ANXA3: variants seen among roughly 807,000 people sequenced by gnomAD.
The protein encoded by ANXA3 is 35-alpha calcimedin.
In ANXA3, 46 loss-of-function variants were observed where a neutral mutation model predicts 48.8. The ratio of observed to expected loss-of-function variants is 0.94; its 90% CI spans 0.74 to 1.21. ANXA3 has a LOEUF of 1.21. Ranked by LOEUF, ANXA3 falls within the 50% of genes most tolerant of loss-of-function variation. The pLI, the probability that ANXA3 is intolerant of heterozygous loss-of-function variation, is 0.00. For synonymous variants in ANXA3, 128 were observed against 134.7 expected (o/e 0.95, Z 0.35); for missense variants, 383 against 378.6 (o/e 1.01, Z -0.10).
intron 3 of ANXA3, among the ~76,000 whole-genome samples, chr4:78,574,326 AG>A (rs1294481562): frequency 6.6e-6 from 1 of 152,106 alleles, no homozygotes; most frequent in African/African-American, 2.4e-5. Context: ...AGGCTGAGGT[AG>A]GGGGATACTT....
chr4:78,555,688 A>C (rs28785284), intron 2 of ANXA3, among the ~76,000 whole-genome samples: 104,560 of 149,890 alleles, frequency 0.7, 37,768 homozygotes, highest in East Asian at 0.88. Context: ...AAAAAAAAAA[A>C]AAAACTTTAA....
intron 1 of ANXA3, among the ~76,000 whole-genome samples, chr4:78,553,396 C>G (rs1578387862): frequency 6.6e-6 from 1 of 152,138 alleles, no homozygotes; most frequent in Non-Finnish European, 1.5e-5. Flanking sequence ...AATCTCCAGC[C>G]CTGTGAAACT....
rs2109935810 is a variant in ANXA3, at chr4:78,579,132, A to G, written c.198+11A>G. The G allele has an allele frequency of 1.3e-6, 2 of 1,586,004 alleles. No individual in the cohort carries two copies. Among genetic ancestry groups the G allele is most frequent in the East Asian group, 2.2e-5 (1 of 44,714 alleles). Reference sequence around the variant, plus strand: ...GCAGCATATGGAAAGGTAAGGTCACATTAACATGACAGGCAGTAAAGAGAT... The same window carrying G: ...GCAGCATATGGAAAGGTAAGGTCACGTTAACATGACAGGCAGTAAAGAGAT... On this transcript the variant is annotated intron_variant, in intron 4 of 12. Transcript: ENST00000264908.
intron 2 of ANXA3, among the ~76,000 whole-genome samples, chr4:78,555,072 G>A (rs903628449): frequency 2.0e-5 from 3 of 152,206 alleles, no homozygotes; most frequent in African/African-American, 7.2e-5. Context: ...CGGTGCGATG[G>A]CAGATGCCTG....
chr4:78,608,766 G>A (rs1723701200), intron 12 of ANXA3, among the ~76,000 whole-genome samples: 1 of 152,072 alleles, frequency 6.6e-6, no homozygotes, highest in Non-Finnish European at 1.5e-5. Flanking sequence ...AGTGGGGGGA[G>A]GTTTATGAGT....
chr4:78,591,785 G>A (rs1039030751), intron 7 of ANXA3, among the ~76,000 whole-genome samples, 162 bp downstream of exon 7: 1 of 152,160 alleles, frequency 6.6e-6, no homozygotes, highest in African/African-American at 2.4e-5. Context: ...GCAATATAAT[G>A]TTTAACCAAG....
chr4:78,602,368 G>T (rs1434133804), intron 11 of ANXA3: 1 of 151,982 alleles, frequency 6.6e-6, no homozygotes, highest in Non-Finnish European at 1.5e-5. Context: ...TGCCTCATAG[G>T]TTAATAGTAT....
intron 2 of ANXA3, among the ~76,000 whole-genome samples, chr4:78,565,119 G>T (rs1472023159): frequency 6.6e-6 from 1 of 151,418 alleles, no homozygotes; most frequent in East Asian, 1.9e-4. Context: ...CCAGCCTCCT[G>T]AGTAGCTGGG....
Position 78,593,364 on chromosome 4 carries a change from G to A in ANXA3, c.483+1741G>A, listed in dbSNP as rs182314420. 4.2e-4 allele frequency among the ~76,000 whole-genome samples: 64 copies of A among 151,650 alleles called. No homozygotes were observed. The East Asian group carries it at 6.8e-3, about 16-fold the overall frequency. ...ATTACAGGCACACGCCACCACACCC[G>A]GCTAATTTTTGTATTTTAGTAGAGA... On this transcript the variant is annotated intron_variant, in intron 7 of 12. Coordinates refer to ENST00000264908, the MANE Select transcript of ANXA3 (RefSeq NM_005139.3).
chr4:78,579,081 G>T lies in ANXA3; in HGVS notation c.158G>T (p.Arg53Leu), dbSNP rs146728751. The T allele has an allele frequency of 1.2e-6, 2 of 1,611,838 alleles. No homozygotes were observed. The highest frequency in any genetic ancestry group is 1.7e-6 in the Non-Finnish European group (2 of 1,178,304). Residue 53 changes from arginine (R) to leucine (L), a missense_variant, in exon 4 of 13, where the codon CGG becomes CTG. Transcript: ENST00000264908. The part of the protein sequence containing the change: ...SILTERSNAQ[R>L]QLIVKEYQAA... The stretch of plus-strand genomic sequence containing the variant: ...CTGACTGAGAGGTCAAATGCACAGC[G>T]GCAGCTGATTGTTAAGGAATATCAA...
chr4:78,557,827 A>G (rs543913801), intron 2 of ANXA3, among the ~76,000 whole-genome samples: 78 of 152,224 alleles, frequency 5.1e-4, no homozygotes, highest in Non-Finnish European at 8.8e-4. Context: ...CCAAAAAATT[A>G]AAACTAGAAC....
chr4:78,581,896 C>T (rs953289360), intron 4 of ANXA3, among the ~76,000 whole-genome samples: 2 of 152,140 alleles, frequency 1.3e-5, no homozygotes, highest in African/African-American at 4.8e-5. Flanking sequence ...GAAAGCATGG[C>T]GGATCTAGGA....
chr4:78,596,528 G>A (rs1723427666), intron 9 of ANXA3, among the ~76,000 whole-genome samples: 1 of 152,196 alleles, frequency 6.6e-6, no homozygotes, highest in African/African-American at 2.4e-5. Flanking sequence ...CACACAGCAA[G>A]ACCAAGCTTA....
At chr4:78,602,843 A>G (rs906054882) in intron 11 of ANXA3, 1 of 152,384 alleles carries the variant, frequency 6.6e-6, no homozygotes, top group African/African-American at 2.4e-5. Context: ...AACTCTCTGA[A>G]GTCGTACCAT....
chr4:78,597,470 C>T, intron 10 of ANXA3, 56 bp downstream of exon 10: 2 of 1,167,318 alleles, frequency 1.7e-6, no homozygotes, highest in Non-Finnish European at 2.5e-6. Context: ...TAACTCAGTG[C>T]CGAGGCCTGC....
chr4:78,575,174 T>C (rs1371998242), intron 3 of ANXA3, among the ~76,000 whole-genome samples: 3 of 152,208 alleles, frequency 2.0e-5, no homozygotes, highest in African/African-American at 7.2e-5. Flanking sequence ...GTCAATAAAA[T>C]ATAAAATATA....
At chr4:78,600,256 C>T (rs997979992) in intron 10 of ANXA3, among the ~76,000 whole-genome samples, 1 of 152,144 alleles carries the variant, frequency 6.6e-6, no homozygotes, top group Admixed American at 6.5e-5. Context: ...TCCCAAGCTT[C>T]CCTGCCTATG....
intron 9 of ANXA3, among the ~76,000 whole-genome samples, chr4:78,596,486 T>A (rs1237717132): frequency 6.6e-6 from 1 of 152,236 alleles, no homozygotes; most frequent in Admixed American, 6.5e-5. Flanking sequence ...ATCTTCTGAC[T>A]GTGGCTTCCA....
At chr4:78,598,209 G>A (rs1369246620) in intron 10 of ANXA3, among the ~76,000 whole-genome samples, 1 of 145,186 alleles carries the variant, frequency 6.9e-6, no homozygotes, top group Non-Finnish European at 1.5e-5. Context: ...ACACACACAT[G>A]CAACTAAGAC....
Sources: allele counts gnomAD v4.1 joint callset (sites outside exome capture counted in the v4.1 genomes callset), GRCh38; gene constraint gnomAD v4.1.1; transcripts MANE v1.5; gene names NCBI Gene and HGNC (gene_info 2026-07-23, HGNC 2026-07-21).